OSBPL8: variants seen among roughly 807,000 people sequenced by gnomAD.
OSBPL8 encodes oxysterol-binding protein-related protein 8.
OSBPL8 carries 59 observed loss-of-function variants against 125.5 expected under a neutral mutation model. The ratio of observed to expected loss-of-function variants is 0.47; its 90% CI spans 0.38 to 0.58. The LOEUF (loss-of-function observed/expected upper bound fraction) is 0.58, where lower values mean the gene tolerates loss of function less well. Among genes scored for constraint, OSBPL8 ranks in the 20% least tolerant of loss-of-function variants. The probability of loss-of-function intolerance (pLI) is 0.00; values close to 1 mark genes in which losing one functional copy is unlikely to be tolerated. For synonymous variants in OSBPL8, 330 were observed against 338.9 expected (o/e 0.97, Z 0.29); for missense variants, 758 against 1,047.8 (o/e 0.72, Z 3.82).
At chr12:76,360,049 C>G (rs1952139755) in intron 21 of OSBPL8, among the ~76,000 whole-genome samples, 1 of 152,166 alleles carries the variant, frequency 6.6e-6, no homozygotes, top group Non-Finnish European at 1.5e-5. Context: ...CAACAGTCCC[C>G]CAAAGTCTTA....
At chr12:76,432,587 T>C (rs1159633138) in intron 4 of OSBPL8, among the ~76,000 whole-genome samples, 1 of 150,952 alleles carries the variant, frequency 6.6e-6, no homozygotes, top group Non-Finnish European at 1.5e-5. Flanking sequence ...TCTTAAAAAA[T>C]AAGAAAAAGA....
intron 1 of OSBPL8, among the ~76,000 whole-genome samples, chr12:76,530,631 T>C (rs1950310129): frequency 6.6e-6 from 1 of 152,126 alleles, no homozygotes; most frequent in Admixed American, 6.6e-5. Flanking sequence ...TATCCCCAAA[T>C]AGAAGCGCTC....
intron 16 of OSBPL8, among the ~76,000 whole-genome samples, chr12:76,377,487 A>G (rs1952872897): frequency 6.6e-6 from 1 of 152,180 alleles, no homozygotes; most frequent in African/African-American, 2.4e-5. Context: ...ATGAGATGCT[A>G]TCTCATTGTG....
At chr12:76,398,487 A>G (rs541416836) in intron 7 of OSBPL8, among the ~76,000 whole-genome samples, 1 of 152,282 alleles carries the variant, frequency 6.6e-6, no homozygotes, top group South Asian at 2.1e-4. Context: ...ATGAATCCCT[A>G]TACTCTCATA....
chr12:76,471,058 C>A (rs1316270295), intron 2 of OSBPL8, among the ~76,000 whole-genome samples: 3 of 152,142 alleles, frequency 2.0e-5, no homozygotes, highest in Admixed American at 1.3e-4. Flanking sequence ...AAAGCCCTCT[C>A]TTTCAATAAG....
chr12:76,506,446 G>A (rs1880424632), intron 1 of OSBPL8, among the ~76,000 whole-genome samples: 1 of 152,168 alleles, frequency 6.6e-6, no homozygotes, highest in South Asian at 2.1e-4. Context: ...GGAAATCTCT[G>A]TAGACAGAAA....
intron 2 of OSBPL8, among the ~76,000 whole-genome samples, chr12:76,465,835 G>A (rs1470997225): frequency 2.0e-5 from 3 of 151,738 alleles, no homozygotes; most frequent in Admixed American, 6.6e-5. Flanking sequence ...GTGAAACCCC[G>A]TCTCTACCAA....
At chr12:76,380,821 C>G (rs192264508) in intron 15 of OSBPL8, among the ~76,000 whole-genome samples, 1 of 152,122 alleles carries the variant, frequency 6.6e-6, no homozygotes, top group East Asian at 1.9e-4. Context: ...TTGCCTTGTT[C>G]TTGATCTTAG....
At chr12:76,496,712 T>C (rs1879314527) in intron 1 of OSBPL8, among the ~76,000 whole-genome samples, 1 of 152,108 alleles carries the variant, frequency 6.6e-6, no homozygotes, top group Non-Finnish European at 1.5e-5. Context: ...AGCTAATATT[T>C]TGTATTTTTA....
At chr12:76,435,624 C>T (rs754551940) in intron 4 of OSBPL8, among the ~76,000 whole-genome samples, 2 of 151,746 alleles carry the variant, frequency 1.3e-5, no homozygotes, top group African/African-American at 4.8e-5. Flanking sequence ...CACAAAACAC[C>T]AAGTTGTACA....
At chr12:76,531,360 C>T in intron 1 of OSBPL8, among the ~76,000 whole-genome samples, 1 of 152,198 alleles carries the variant, frequency 6.6e-6, no homozygotes, top group East Asian at 1.9e-4. Flanking sequence ...CTAAATTTGA[C>T]TTTCAGTAAT....
chr12:76,503,304 G>A (rs948120463), intron 1 of OSBPL8, among the ~76,000 whole-genome samples: 1 of 152,110 alleles, frequency 6.6e-6, no homozygotes, highest in Non-Finnish European at 1.5e-5. Flanking sequence ...AGCTTGAGAT[G>A]GCCATTTTCT....
intron 4 of OSBPL8, among the ~76,000 whole-genome samples, chr12:76,416,727 T>A (rs551373614): frequency 2.0e-4 from 30 of 152,216 alleles, no homozygotes; most frequent in African/African-American, 7.0e-4. Context: ...ATGTCACTTG[T>A]AACAGCAGGT....
At chr12:76,358,436 C>T (rs1346186867) in intron 22 of OSBPL8, among the ~76,000 whole-genome samples, 3 of 151,962 alleles carry the variant, frequency 2.0e-5, no homozygotes, top group Non-Finnish European at 4.4e-5. Flanking sequence ...CCCACCTCGG[C>T]GTCCCAAAGT....
chr12:76,426,633 TA>T (rs1870181846), intron 4 of OSBPL8, among the ~76,000 whole-genome samples: 1 of 152,182 alleles, frequency 6.6e-6, no homozygotes, highest in African/African-American at 2.4e-5. Flanking sequence ...GTATGCTGGG[TA>T]CGTAAGTATT....
At chr12:76,463,946 G>T (rs975781201) in intron 2 of OSBPL8, among the ~76,000 whole-genome samples, 1 of 152,186 alleles carries the variant, frequency 6.6e-6, no homozygotes, top group Non-Finnish European at 1.5e-5. Context: ...ATAGTACCAT[G>T]TTGTATAACA....
rs1268914842 is a variant in OSBPL8 at position 76,369,266 on chromosome 12, T to C, written c.2276A>G (p.Gln759Arg). The C allele has an allele frequency of 6.2e-7, 1 of 1,612,112 alleles. No homozygotes were observed. Among genetic ancestry groups the C allele is most frequent in the Non-Finnish European group, 8.5e-7 (1 of 1,179,326 alleles). ...RPWDPLNDMI[Q>R]FEKDGVIQTK... ...CTGAATAACACCATCTTTTTCAAAC[T>C]GTATCATATCATTAAGTGGGTCCCA... Residue 759 changes from glutamine to arginine, a missense_variant, in exon 21 of 24, where the codon CAG (glutamine) becomes CGG (arginine). Physicochemically the swap from Gln to Arg is conservative, Grantham distance 43. This residue lies in a region of OSBPL8 where 572 missense variants were observed against 762.0 expected (regional missense o/e 0.75). Transcript: ENST00000261183.
At chr12:76,509,199 A>G (rs1481616371) in intron 1 of OSBPL8, among the ~76,000 whole-genome samples, 1 of 152,186 alleles carries the variant, frequency 6.6e-6, no homozygotes, top group African/African-American at 2.4e-5. Flanking sequence ...CATGTTGTAC[A>G]GATTTGTAGC....
intron 1 of OSBPL8, among the ~76,000 whole-genome samples, chr12:76,492,907 T>C (rs527991388): frequency 1.3e-5 from 2 of 150,512 alleles, no homozygotes; most frequent in African/African-American, 4.9e-5. Context: ...TACTATAGGA[T>C]ATATAGATAT....
Sources: gnomAD v4.1 joint callset for allele counts (sites outside exome capture counted in the v4.1 genomes callset) on GRCh38, gnomAD v4.1.1 for gene constraint, gnomAD v4.1.1 regional missense constraint, MANE v1.5 for transcripts, NCBI Gene and HGNC (gene_info 2026-07-23, HGNC 2026-07-21) for gene names.